PTCHD4: variants seen among roughly 807,000 people sequenced by gnomAD.
PTCHD4 encodes the protein patched domain containing 4.
Under a neutral mutation model 58.1 loss-of-function variants are expected in PTCHD4, and 33 were observed. The ratio of observed to expected loss-of-function variants is 0.57; its 90% CI spans 0.43 to 0.76. The LOEUF (loss-of-function observed/expected upper bound fraction) is 0.76, where lower values mean the gene tolerates loss of function less well. PTCHD4 is among the 30% of genes least tolerant of loss of function. PTCHD4 has a pLI of 0.00. For synonymous variants in PTCHD4, 478 were observed against 409.6 expected (o/e 1.17, Z -2.02); for missense variants, 1,058 against 1,027.1 (o/e 1.03, Z -0.41).
chr6:48,008,890 T>C lies in PTCHD4; in HGVS notation c.642A>G (p.Leu214=), dbSNP rs919670596. ...AGTCCCTCCAGAGGCTAAAGGATGC[T>C]AAAGAGTAGAGCTGGAGTTCTTGAT... ...EEHQELQLYS[L]ASFSLWRDFH... The change falls in exon 4 of 5, where the codon TTA becomes TTG. Residue 214 remains leucine (L), a synonymous_variant. Coordinates refer to ENST00000339488, the MANE Select transcript of PTCHD4 (RefSeq NM_001384253.1). 1 of 1,614,018 alleles carries C rather than the reference T, an allele frequency of 6.2e-7. No homozygotes were observed. The highest frequency in any genetic ancestry group is 1.7e-5 in the Admixed American group (1 of 60,002).
intron 4 of PTCHD4, among the ~76,000 whole-genome samples, chr6:48,007,522 T>A (rs2753193): frequency 0.7 from 107,124 of 152,086 alleles, 37,797 homozygotes; most frequent in East Asian, 0.84. Flanking sequence ...GTTTAAGGAA[T>A]GAAAACACTT....
intron 4 of PTCHD4, among the ~76,000 whole-genome samples, chr6:47,989,091 T>A (rs550861463): frequency 2.0e-5 from 3 of 152,208 alleles, no homozygotes; most frequent in Non-Finnish European, 4.4e-5. Flanking sequence ...TGTTGGGAGC[T>A]GGAGCAAAGG....
chr6:48,109,706 A>T (rs552009495), intron 1 of PTCHD4, among the ~76,000 whole-genome samples: 1 of 152,232 alleles, frequency 6.6e-6, no homozygotes, highest in Non-Finnish European at 1.5e-5. Flanking sequence ...GCTACTCAAC[A>T]TAAACAACAA....
intron 4 of PTCHD4, among the ~76,000 whole-genome samples, chr6:47,924,212 G>C (rs530030493): frequency 7.6e-4 from 116 of 152,122 alleles, no homozygotes; most frequent in African/African-American, 2.7e-3. Flanking sequence ...GCTTGATCCA[G>C]ACTATTGCTG....
intron 3 of PTCHD4, among the ~76,000 whole-genome samples, chr6:48,009,903 C>T (rs758673471): frequency 5.9e-5 from 9 of 152,100 alleles, no homozygotes; most frequent in Non-Finnish European, 1.2e-4. Flanking sequence ...GTAGAGTAGG[C>T]AAGATCATGA....
intron 4 of PTCHD4, among the ~76,000 whole-genome samples, chr6:47,986,909 A>G (rs1768086670): frequency 6.6e-6 from 1 of 152,232 alleles, no homozygotes; most frequent in Non-Finnish European, 1.5e-5. Context: ...ATCACACGCA[A>G]CAGTGGTGTG....
chr6:48,025,628 T>C (rs1449083277), intron 3 of PTCHD4, among the ~76,000 whole-genome samples: 1 of 152,202 alleles, frequency 6.6e-6, no homozygotes, highest in Non-Finnish European at 1.5e-5. Flanking sequence ...ACAATTAACT[T>C]GCTAAGTGGG....
chr6:48,035,654 C>A (rs1763606688), intron 3 of PTCHD4, among the ~76,000 whole-genome samples: 1 of 152,046 alleles, frequency 6.6e-6, no homozygotes, highest in Admixed American at 6.6e-5. Flanking sequence ...TAGCAAGAAT[C>A]CTCCTAGGTC....
chr6:47,901,487 T>G, intron 4 of PTCHD4: 1 of 980,794 alleles, frequency 1.0e-6, no homozygotes, highest in African/African-American at 1.7e-5. Context: ...CATCTAAACT[T>G]CATCAGTCAG....
At chr6:47,880,779 T>A (rs929662695) in intron 4 of PTCHD4, among the ~76,000 whole-genome samples, 7 of 152,202 alleles carry the variant, frequency 4.6e-5, no homozygotes, top group Non-Finnish European at 1.0e-4. Context: ...ACACCCAGTG[T>A]ATGCCAGACT....
intron 4 of PTCHD4, among the ~76,000 whole-genome samples, chr6:47,942,701 ACATT>A (rs1198317412): frequency 6.6e-6 from 1 of 152,222 alleles, no homozygotes; most frequent in African/African-American, 2.4e-5. Flanking sequence ...CTCATGTTTG[ACATT>A]CTATGCTTTT....
intron 4 of PTCHD4, among the ~76,000 whole-genome samples, chr6:47,884,649 A>C (rs1210881106): frequency 6.6e-6 from 1 of 152,136 alleles, no homozygotes; most frequent in Non-Finnish European, 1.5e-5. Context: ...TTCCCACCAA[A>C]ATCTTTAATT....
At chr6:48,019,870 C>A (rs1163272511) in intron 3 of PTCHD4, among the ~76,000 whole-genome samples, 3 of 152,140 alleles carry the variant, frequency 2.0e-5, no homozygotes, top group African/African-American at 7.2e-5. Context: ...TTAGCTGAGT[C>A]CTGAATCATA....
chr6:48,078,287 C>A (rs2150584), intron 1 of PTCHD4, among the ~76,000 whole-genome samples: 21,765 of 152,074 alleles, frequency 0.14, 1,515 homozygotes, highest in Admixed American at 0.18. Context: ...CAATACCAAA[C>A]AGAGAGCCAT....
chr6:47,920,551 G>T (rs1028532148), intron 4 of PTCHD4, among the ~76,000 whole-genome samples: 3 of 152,104 alleles, frequency 2.0e-5, no homozygotes, highest in Non-Finnish European at 4.4e-5. Flanking sequence ...AATTGAAATT[G>T]TCATCCAATA....
intron 1 of PTCHD4, among the ~76,000 whole-genome samples, chr6:48,076,976 C>T (rs915750843): frequency 3.3e-5 from 5 of 152,170 alleles, no homozygotes; most frequent in Non-Finnish European, 5.9e-5. Flanking sequence ...TCAATTTTGT[C>T]TGACTATTAA....
At position 48,096,295 on chromosome 6, in the gene PTCHD4, C is replaced by T. The variant is rs548003342; in HGVS notation, c.-970+14754G>A. Among the ~76,000 whole-genome samples, 8 of 152,110 alleles carry T rather than the reference C, an allele frequency of 5.3e-5. No homozygotes were observed. The South Asian group carries it at 1.0e-3, about 20-fold the overall frequency. On this transcript the variant is annotated intron_variant, in intron 1 of 4. Coordinates refer to ENST00000339488, the MANE Select transcript of PTCHD4 (RefSeq NM_001384253.1). The stretch of plus-strand genomic sequence containing the variant: ...AAAGGCACAGACACATAAGGGGACA[C>T]AGTAAATGGGGATGTCTTGAAATTC...
chr6:47,974,521 G>T (rs77668201), intron 4 of PTCHD4, among the ~76,000 whole-genome samples: 24,544 of 151,768 alleles, frequency 0.16, 2,095 homozygotes, highest in South Asian at 0.29. Context: ...GTTGTTGTGG[G>T]GGGGGCTGTC....
In PTCHD4 at chr6:47,864,552, C is replaced by T. The variant is rs937862963; in HGVS notation, c.*13751G>A. The stretch of plus-strand genomic sequence containing the variant: ...GTGAAAGCCATGACCCAAAGGGCAT[C>T]GCATAAAGCTACGTGGATGATCAAG... On this transcript the variant is annotated 3_prime_UTR_variant, in exon 5 of 5. Coordinates refer to ENST00000339488, the MANE Select transcript of PTCHD4 (RefSeq NM_001384253.1). 4.0e-5 allele frequency among the ~76,000 whole-genome samples: 6 copies of T among 151,866 alleles called. No homozygotes were observed. The highest frequency in any genetic ancestry group is 9.7e-5 in the African/African-American group (4 of 41,400).
Sources: allele counts gnomAD v4.1 joint callset (sites outside exome capture counted in the v4.1 genomes callset), GRCh38; gene constraint gnomAD v4.1.1; transcripts MANE v1.5; gene names NCBI Gene and HGNC (gene_info 2026-07-23, HGNC 2026-07-21).